PCDH7: variants seen among roughly 807,000 people sequenced by gnomAD.
PCDH7 encodes protocadherin 7, also known as protocadherin-7.
Under a neutral mutation model 58.9 loss-of-function variants are expected in PCDH7, and 17 were observed. That is an observed-to-expected ratio of 0.29 (90% CI 0.20 to 0.43). The LOEUF is 0.43. Ranked by LOEUF, PCDH7 falls within the 20% of genes least tolerant of loss-of-function variation. PCDH7 has a pLI of 1.00. For synonymous variants in PCDH7, 664 were observed against 616.4 expected (o/e 1.08, Z -1.14); for missense variants, 1,274 against 1,441.0 (o/e 0.88, Z 1.88).
chr4:31,050,955 T>G (rs778273531), intron 3 of PCDH7, among the ~76,000 whole-genome samples: 1 of 152,178 alleles, frequency 6.6e-6, no homozygotes, highest in Non-Finnish European at 1.5e-5. Context: ...TCCTCTGCTA[T>G]GCTCGTGTGT....
At chr4:31,142,637 C>G (rs918110328) in exon 4 of PCDH7, 33 of 1,367,710 alleles carry the variant, frequency 2.4e-5, no homozygotes, top group Non-Finnish European at 3.1e-5. Context: ...ACGAGGAAGC[C>G]AGGAAAAGCT....
At chr4:30,933,036 T>C (rs1435989638) in intron 2 of PCDH7, among the ~76,000 whole-genome samples, 1 of 113,576 alleles carries the variant, frequency 8.8e-6, no homozygotes, top group Non-Finnish European at 1.9e-5. Context: ...TTTCTTTCTT[T>C]TTTTTTTTTG....
intron 3 of PCDH7, among the ~76,000 whole-genome samples, chr4:31,000,037 A>T (rs554518464): frequency 6.6e-6 from 1 of 152,234 alleles, no homozygotes; most frequent in South Asian, 2.1e-4. Flanking sequence ...ATAATGCAAG[A>T]ATTCTATTGC....
intron 1 of PCDH7, among the ~76,000 whole-genome samples, chr4:30,740,526 C>T (rs988264365): frequency 6.6e-6 from 1 of 151,706 alleles, no homozygotes; most frequent in Non-Finnish European, 1.5e-5. Flanking sequence ...ATCATTAGTA[C>T]AGGTAGGAAA....
chr4:30,933,445 G>T (rs186878773), intron 2 of PCDH7, among the ~76,000 whole-genome samples: 1 of 152,062 alleles, frequency 6.6e-6, no homozygotes, highest in African/African-American at 2.4e-5. Context: ...TTCAGTGTCC[G>T]CTACTAACCA....
At chr4:30,785,185 G>A (rs1012079548) in intron 1 of PCDH7, among the ~76,000 whole-genome samples, 10 of 152,102 alleles carry the variant, frequency 6.6e-5, no homozygotes, top group Non-Finnish European at 1.0e-4. Flanking sequence ...TATAAGAAAA[G>A]TGCATAATAG....
rs1757453426 is a variant in PCDH7, at chr4:31,058,766, C to G, written c.*8-83707C>G. On this transcript the variant is annotated intron_variant, in intron 3 of 3. Coordinates refer to the PCDH7 transcript ENST00000509759. ...CCTAATAAACACTCTCTCATGTAGA[C>G]AAATGTGCTTTAGATAATGATGGAG... Among the ~76,000 whole-genome samples the G allele has an allele frequency of 1.3e-5, 2 of 151,912 alleles. 1 individual carries two copies. Among genetic ancestry groups the G allele is most frequent in the Admixed American group, 1.3e-4 (2 of 15,228 alleles).
At chr4:30,746,649 G>A (rs553500586) in intron 1 of PCDH7, among the ~76,000 whole-genome samples, 2 of 152,210 alleles carry the variant, frequency 1.3e-5, no homozygotes, top group South Asian at 4.1e-4. Flanking sequence ...TAATGCATTG[G>A]TTGGCATAGC....
At chr4:30,941,029 C>A (rs1745973486) in intron 2 of PCDH7, among the ~76,000 whole-genome samples, 1 of 151,888 alleles carries the variant, frequency 6.6e-6, no homozygotes, top group African/African-American at 2.4e-5. Flanking sequence ...GAAGGGTATT[C>A]TCATGTATAA....
At chr4:30,874,267 T>C (rs1735995007) in intron 1 of PCDH7, among the ~76,000 whole-genome samples, 1 of 152,032 alleles carries the variant, frequency 6.6e-6, no homozygotes, top group East Asian at 1.9e-4. Context: ...GCGGCACTAT[T>C]CACAATAGCA....
intron 3 of PCDH7, among the ~76,000 whole-genome samples, chr4:30,957,743 T>A (rs1748006025): frequency 6.6e-6 from 1 of 152,138 alleles, no homozygotes; most frequent in Admixed American, 6.5e-5. Context: ...AGGCTTTACA[T>A]TGTAAGAGTC....
intron 3 of PCDH7, among the ~76,000 whole-genome samples, chr4:31,105,905 G>T (rs1015323165): frequency 6.6e-6 from 1 of 151,972 alleles, no homozygotes; most frequent in East Asian, 1.9e-4. Context: ...TGCTCGGGAC[G>T]CTGAGGCAGG....
chr4:31,133,505 C>T (rs1341636678), intron 3 of PCDH7, among the ~76,000 whole-genome samples: 1 of 151,954 alleles, frequency 6.6e-6, no homozygotes, highest in African/African-American at 2.4e-5. Context: ...GAATATATGC[C>T]CCTGTCTGTT....
chr4:30,909,739 G>C (rs931966034), intron 1 of PCDH7, among the ~76,000 whole-genome samples: 8 of 152,126 alleles, frequency 5.3e-5, no homozygotes, highest in Non-Finnish European at 4.4e-5. Context: ...TCGTGAACAT[G>C]GCCATACTGA....
In PCDH7 at chr4:30,910,300, T is replaced by C. The variant is rs150398699; in HGVS notation, c.71-9853T>C. Among the ~76,000 whole-genome samples, 478 of 152,052 alleles carry C rather than the reference T, an allele frequency of 3.1e-3. 2 individuals carry two copies. The highest frequency in any genetic ancestry group is 0.011 in the African/African-American group (451 of 41,486). On this transcript the variant is annotated intron_variant, in intron 1 of 3. Transcript: ENST00000509759. ...TCATGACTAAAACACCAAAAGCAAT[T>C]GCAACAAAAGCCAAAATTGACATAT... is the stretch of plus-strand genomic sequence containing the variant.
At chr4:31,114,382 C>T (rs1578834534) in intron 3 of PCDH7, among the ~76,000 whole-genome samples, 1 of 151,906 alleles carries the variant, frequency 6.6e-6, no homozygotes, top group East Asian at 1.9e-4. Flanking sequence ...CTATGGTAAC[C>T]TAGTATATTA....
intron 1 of PCDH7, among the ~76,000 whole-genome samples, chr4:30,887,871 G>GT (rs57677033): frequency 1.3e-3 from 191 of 146,224 alleles, no homozygotes; most frequent in African/African-American, 1.7e-3. Flanking sequence ...TTTCTTTTTG[G>GT]TTTTTTTTTT....
intron 3 of PCDH7, among the ~76,000 whole-genome samples, chr4:30,973,958 T>C (rs1410442175): frequency 6.6e-6 from 1 of 152,028 alleles, no homozygotes; most frequent in African/African-American, 2.4e-5. Flanking sequence ...AAATCACTAG[T>C]AAAACAGCAA....
intron 2 of PCDH7, among the ~76,000 whole-genome samples, chr4:30,933,982 CG>C (rs1338156039): frequency 2.0e-5 from 3 of 152,200 alleles, no homozygotes; most frequent in African/African-American, 7.2e-5. Flanking sequence ...CGTGTTCACA[CG>C]GAACCATATT....
Sources: gnomAD v4.1 joint callset for allele counts (sites outside exome capture counted in the v4.1 genomes callset) on GRCh38, gnomAD v4.1.1 for gene constraint, MANE v1.5 for transcripts, NCBI Gene and HGNC (gene_info 2026-07-23, HGNC 2026-07-21) for gene names.